The following INSR variants were observed in gnomAD, a reference collection of about 807,000 sequenced individuals.
INSR encodes insulin receptor.
Under a neutral mutation model 142.6 loss-of-function variants are expected in INSR, and 67 were observed. The observed-to-expected ratio is 0.47, with a 90% confidence interval of 0.39 to 0.58. The LOEUF is 0.58. INSR is among the 20% of genes least tolerant of loss of function. INSR has a pLI of 0.00. For synonymous variants in INSR, 756 were observed against 743.1 expected (o/e 1.02, Z -0.28); for missense variants, 1,248 against 1,833.2 (o/e 0.68, Z 5.83).
intron 2 of INSR, among the ~76,000 whole-genome samples, chr19:7,186,529 A>G (rs1416612442): frequency 6.6e-6 from 1 of 152,084 alleles, no homozygotes; most frequent in Non-Finnish European, 1.5e-5. Flanking sequence ...TCATGTTTAA[A>G]TGTATAGTTC....
chr19:7,140,773 CTTT>C (rs34805383), intron 13 of INSR, among the ~76,000 whole-genome samples: 11 of 139,466 alleles, frequency 7.9e-5, no homozygotes, highest in African/African-American at 2.6e-4. Flanking sequence ...ATTAACGGCC[CTTT>C]TTTTTTTTTT....
Position 7,114,303 on chromosome 19 carries a change from C to T in INSR, c.*2753G>A, listed in dbSNP as rs962542666. The T allele has an allele frequency of 6.6e-5, 10 of 152,222 alleles. No individual in the cohort carries two copies. The highest frequency in any genetic ancestry group is 1.4e-4 in the African/African-American group (6 of 41,434). The allele number at this position is 152,222 out of a possible 1,614,324, so 9.4% of individuals were successfully genotyped here. ...TCTGAATCAAAGCCCGTCTTTGCCC[C>T]GGCAGCCATCTCTCACCAAAGGAAG... On this transcript the variant is annotated 3_prime_UTR_variant, in exon 22 of 22. Transcript: ENST00000302850.
In INSR at chr19:7,290,711, C is replaced by T. The variant is rs146314088; in HGVS notation, c.100+3081G>A. 2.1e-3 allele frequency among the ~76,000 whole-genome samples: 312 copies of T among 147,190 alleles called. 1 individual carries two copies. Among genetic ancestry groups the T allele is most frequent in the East Asian group, 0.013 (64 of 4,994 alleles). On this transcript the variant is annotated intron_variant, in intron 1 of 21. Coordinates refer to ENST00000302850, the MANE Select transcript of INSR (RefSeq NM_000208.4). ...GCACTTGAACCTGAAAGGCGGAGGTCGCAAAGATCGTGTCACTGCACTCCA... is the reference window on the plus strand; with the variant it reads ...GCACTTGAACCTGAAAGGCGGAGGTTGCAAAGATCGTGTCACTGCACTCCA...
intron 14 of INSR, among the ~76,000 whole-genome samples, chr19:7,130,495 G>C (rs1972748668): frequency 6.6e-6 from 1 of 152,174 alleles, no homozygotes; most frequent in African/African-American, 2.4e-5. Flanking sequence ...TTGGATCATG[G>C]AGGCGGTTTC....
chr19:7,184,233 A>C, intron 3 of INSR, 83 bp downstream of exon 3: 2 of 1,251,642 alleles, frequency 1.6e-6, no homozygotes, highest in East Asian at 2.4e-5. Flanking sequence ...GTTTGCACAC[A>C]GTTTTAACAA....
Position 7,137,267 on chromosome 19 carries a change from TAAA to T in INSR, c.2682+4407_2682+4409del, listed in dbSNP as rs11299975. Among the ~76,000 whole-genome samples the T allele has an allele frequency of 3.0e-4, 44 of 145,608 alleles. 1 individual carries two copies. Among genetic ancestry groups the T allele is most frequent in the African/African-American group, 5.7e-4 (22 of 38,774 alleles). On this transcript the variant is annotated intron_variant, in intron 13 of 21. Transcript: ENST00000302850. Reference sequence around the variant, plus strand: ...CAGCTCAATAAAGCTGTTTCTAAATTAAAAAAAAAAAAAAAATCCCTCATGCCC... The same window carrying T: ...CAGCTCAATAAAGCTGTTTCTAAATTAAAAAAAAAAAAATCCCTCATGCCC...
At chr19:7,293,154 A>C (rs1968542310) in intron 1 of INSR, among the ~76,000 whole-genome samples, 1 of 152,136 alleles carries the variant, frequency 6.6e-6, no homozygotes, top group African/African-American at 2.4e-5. Flanking sequence ...TAGGGTAAAA[A>C]ACCGCCACTA....
At chr19:7,152,948 G>T in intron 9 of INSR, 21 bp from the exon 10 acceptor site, 1 of 1,594,404 alleles carries the variant, frequency 6.3e-7, no homozygotes, top group African/African-American at 1.4e-5. Flanking sequence ...AAACAGAAAA[G>T]GGGGGCTCAA....
chr19:7,207,372 G>A (rs1332314821), intron 2 of INSR, among the ~76,000 whole-genome samples: 2 of 151,510 alleles, frequency 1.3e-5, no homozygotes, highest in South Asian at 2.1e-4. Context: ...AGCCAAGATG[G>A]TGCCACTGCA....
chr19:7,178,948 C>T (rs1328634259), intron 3 of INSR, among the ~76,000 whole-genome samples: 9 of 152,166 alleles, frequency 5.9e-5, no homozygotes, highest in Non-Finnish European at 1.3e-4. Flanking sequence ...TCTTGCTCTG[C>T]CACCCGGGCT....
At chr19:7,158,014 T>C (rs1366965095) in intron 9 of INSR, among the ~76,000 whole-genome samples, 1 of 150,504 alleles carries the variant, frequency 6.6e-6, no homozygotes, top group Non-Finnish European at 1.5e-5. Context: ...GAAAAAAAAA[T>C]GTAGAACTGC....
chr19:7,293,557 G>T (rs1017261794), intron 1 of INSR, among the ~76,000 whole-genome samples: 2 of 152,110 alleles, frequency 1.3e-5, no homozygotes, highest in Non-Finnish European at 2.9e-5. Context: ...ACCGGGGCAA[G>T]GTTCCTCGGG....
Position 7,197,836 on chromosome 19 carries a change from G to GAGAGAGAGAA in INSR, c.653-13200_653-13199insTTCTCTCTCT, listed in dbSNP as rs879878373. On this transcript the variant is annotated intron_variant, in intron 2 of 21. Transcript: ENST00000302850. ...AGAGAGAGCGAGAGAGAGAGAGAACGAGAGAGAGAGAGAGAGAACGAGAGA... is the reference window on the plus strand; with the variant it reads ...AGAGAGAGCGAGAGAGAGAGAGAACGAGAGAGAGAAAGAGAGAGAGAGAGAGAACGAGAGA... Among the ~76,000 whole-genome samples the GAGAGAGAGAA allele has an allele frequency of 7.9e-3, 309 of 39,190 alleles. 11 individuals are homozygous for GAGAGAGAGAA. The highest frequency in any genetic ancestry group is 0.054 in the Admixed American group (240 of 4,464). 25.7% of individuals were successfully genotyped at this position (39,190 alleles called of 152,430 possible).
At chr19:7,176,044 G>A (rs534391598) in intron 3 of INSR, among the ~76,000 whole-genome samples, 2 of 152,236 alleles carry the variant, frequency 1.3e-5, no homozygotes, top group East Asian at 3.9e-4. Flanking sequence ...ACAGTGATGG[G>A]ATTCACACCA....
At chr19:7,235,930 A>C (rs1976144194) in intron 2 of INSR, among the ~76,000 whole-genome samples, 2 of 151,746 alleles carry the variant, frequency 1.3e-5, no homozygotes, top group African/African-American at 4.8e-5. Context: ...TGGTGGAAAT[A>C]TAACAGACTC....
intron 3 of INSR, among the ~76,000 whole-genome samples, chr19:7,177,447 C>T (rs988796914): frequency 6.6e-6 from 1 of 152,148 alleles, no homozygotes; most frequent in Non-Finnish European, 1.5e-5. Context: ...TATACCTGAA[C>T]CAACTCCCTG....
At chr19:7,213,128 G>A (rs1298401065) in intron 2 of INSR, among the ~76,000 whole-genome samples, 5 of 152,108 alleles carry the variant, frequency 3.3e-5, no homozygotes, top group South Asian at 2.1e-4. Flanking sequence ...GGCGGATCAC[G>A]AGGTCAGGAG....
intron 7 of INSR, 149 bp downstream of exon 7, chr19:7,167,818 GA>G: frequency 1.1e-6 from 1 of 938,684 alleles, no homozygotes; most frequent in South Asian, 1.4e-5. Context: ...ATCGACTGGT[GA>G]GATTGTAAAA....
rs776628963 is a variant in INSR at position 7,125,296 on chromosome 19, G to A, written c.3245C>T (p.Thr1082Ile). 7.4e-6 allele frequency: 12 copies of A among 1,613,942 alleles called. No individual in the cohort carries two copies. Among genetic ancestry groups the A allele is most frequent in the African/African-American group, 1.3e-5 (1 of 74,904 alleles). Residue 1082 changes from threonine (T) to isoleucine (I), a missense_variant, in exon 17 of 22, where the codon ACC becomes ATC. Around this residue, in one of 3 missense-constraint regions of INSR, gnomAD observed 1,069 missense variants for 1,654.0 expected, o/e 0.65. Transcript: ENST00000302850. The surrounding 1 kb of genome is among the most constrained non-coding windows in gnomAD (Gnocchi z 4.9). ...LNEASVMKGF[T>I]CHHVVRLLGV... ...CACTGGACTCACCACGTGATGGCAG[G>A]TGAAGCCCTTCATGACCGAGGCCTC...
Sources: allele counts gnomAD v4.1 joint callset (sites outside exome capture counted in the v4.1 genomes callset), GRCh38; gene constraint gnomAD v4.1.1; regional missense constraint gnomAD v4.1.1; non-coding constraint Gnocchi (gnomAD v3.1); transcripts MANE v1.5; gene names NCBI Gene and HGNC (gene_info 2026-07-23, HGNC 2026-07-21).